Variants in TMCO4 observed in about 807,000 individuals in gnomAD.
TMCO4 encodes transmembrane and coiled-coil domains 4, also known as transmembrane and coiled-coil domain-containing protein 4.
Under a neutral mutation model 64.7 loss-of-function variants are expected in TMCO4, and 58 were observed. The ratio of observed to expected loss-of-function variants is 0.90; its 90% confidence interval spans 0.73 to 1.12. TMCO4 has a LOEUF of 1.12. Among genes scored for constraint, TMCO4 ranks in the 50% most tolerant of loss-of-function variants. The pLI is 0.00. For synonymous variants in TMCO4, 325 were observed against 346.1 expected (o/e 0.94, Z 0.68); for missense variants, 780 against 825.9 (o/e 0.94, Z 0.68).
chr1:19,769,170 G>A (rs55752639), intron 6 of TMCO4, among the ~76,000 whole-genome samples: 17,819 of 152,156 alleles, frequency 0.12, 1,141 homozygotes, highest in Non-Finnish European at 0.13. Flanking sequence ...GGATTCCTGA[G>A]ACAGAGTCCC....
At chr1:19,687,468 C>T (rs1470058666) in intron 15 of TMCO4, among the ~76,000 whole-genome samples, 1 of 152,146 alleles carries the variant, frequency 6.6e-6, no homozygotes, top group African/African-American at 2.4e-5. Context: ...ATAATACAAA[C>T]CATGAAGCAC....
intron 13 of TMCO4, among the ~76,000 whole-genome samples, chr1:19,725,864 G>T (rs933710686): frequency 1.3e-5 from 2 of 152,212 alleles, no homozygotes; most frequent in African/African-American, 4.8e-5. Flanking sequence ...CGAGCACAGC[G>T]TGGTCACTGG....
At chr1:19,710,393 C>T (rs2095325373) in intron 13 of TMCO4, among the ~76,000 whole-genome samples, 1 of 151,956 alleles carries the variant, frequency 6.6e-6, no homozygotes, top group Admixed American at 6.6e-5. Flanking sequence ...GATTCCATCG[C>T]ACCTGGCTGG....
At position 19,683,066 on chromosome 1, in the gene TMCO4, G is replaced by A. The variant is rs377698558; in HGVS notation, c.1879C>T (p.Gln627Ter). The change falls in exon 16 of 16, where the codon CAG becomes TAG. Residue 627 changes from glutamine (Q) to a stop codon, truncating the protein, a stop_gained. Coordinates refer to ENST00000294543, the MANE Select transcript of TMCO4 (RefSeq NM_181719.7). LOFTEE classifies it high-confidence loss of function. Reference sequence around the variant, plus strand: ...CAGTCCAGCCCCGTGCTGGGGCCCTGGGTCTTGCAGGCACAATCGGGGCAG... The same window carrying A: ...CAGTCCAGCCCCGTGCTGGGGCCCTAGGTCTTGCAGGCACAATCGGGGCAG... ...LGCPDCACKT[Q>*]GPSTGLD is the part of the protein sequence containing the mutation. The A allele has an allele frequency of 1.2e-5, 19 of 1,597,588 alleles. No homozygotes were observed. The highest frequency in any genetic ancestry group is 1.4e-5 in the Non-Finnish European group (16 of 1,172,532).
chr1:19,695,736 G>C (rs2095231812), intron 14 of TMCO4, among the ~76,000 whole-genome samples: 1 of 152,104 alleles, frequency 6.6e-6, no homozygotes, highest in South Asian at 2.1e-4. Flanking sequence ...CTGAGCACCT[G>C]GGTTTGTGAG....
At position 19,753,870 on chromosome 1, in the gene TMCO4, T is replaced by C. The variant is rs113742150; in HGVS notation, c.515+1764A>G. On this transcript the variant is annotated intron_variant, in intron 7 of 15. Coordinates refer to ENST00000294543, the MANE Select transcript of TMCO4 (RefSeq NM_181719.7). ...TTTTCCTGGGGAAAGAGTCTACATA[T>C]AGACTACAATAGGGTCTATAATAGT... 9.3e-3 allele frequency among the ~76,000 whole-genome samples: 1,416 copies of C among 152,268 alleles called. 13 individuals are homozygous for C. The highest frequency in any genetic ancestry group is 0.031 in the African/African-American group (1,268 of 41,560).
At chr1:19,716,739 C>T (rs1289487578) in intron 13 of TMCO4, among the ~76,000 whole-genome samples, 3 of 152,156 alleles carry the variant, frequency 2.0e-5, no homozygotes, top group Middle Eastern at 3.4e-3. Flanking sequence ...CCAGGCTGGC[C>T]GTGCAGATGG....
intron 4 of TMCO4, among the ~76,000 whole-genome samples, chr1:19,778,354 AC>A (rs2043307373): frequency 6.6e-6 from 1 of 151,574 alleles, no homozygotes; most frequent in African/African-American, 2.4e-5. Flanking sequence ...GCTCATTGCA[AC>A]CTCTGCCTCC....
At chr1:19,723,757 G>T (rs1472370712) in intron 13 of TMCO4, among the ~76,000 whole-genome samples, 1 of 152,126 alleles carries the variant, frequency 6.6e-6, no homozygotes, top group Admixed American at 6.5e-5. Context: ...CTGAGCTGGG[G>T]CCCTGGAAGC....
At chr1:19,730,176 A>G (rs1333205616) in intron 13 of TMCO4, among the ~76,000 whole-genome samples, 2 of 152,188 alleles carry the variant, frequency 1.3e-5, no homozygotes, top group Non-Finnish European at 2.9e-5. Flanking sequence ...GGCCAATGAA[A>G]TGTTTGTAAA....
rs2095444229 is a variant in TMCO4 at position 19,734,468 on chromosome 1, A to G, written c.1264+2904T>C. 6.6e-6 allele frequency among the ~76,000 whole-genome samples: 1 copy of G among 152,088 alleles called. No homozygotes were observed. Among genetic ancestry groups the G allele is most frequent in the African/African-American group, 2.4e-5 (1 of 41,408 alleles). On this transcript the variant is annotated intron_variant, in intron 13 of 15. Coordinates refer to ENST00000294543, the MANE Select transcript of TMCO4 (RefSeq NM_181719.7). This position sits in a 1 kb window ranked among gnomAD's most constrained non-coding sequence, Gnocchi z 4.4. ...CCCCGGGTCCTCCTTGGCAGGATCCACTCAGTTACTCATTCACTCCACAGT... is the reference window on the plus strand; with the variant it reads ...CCCCGGGTCCTCCTTGGCAGGATCCGCTCAGTTACTCATTCACTCCACAGT...
In TMCO4 at chr1:19,777,041, A is replaced by G. The variant is rs1413468145; in HGVS notation, c.179+3539T>C. On this transcript the variant is annotated intron_variant, in intron 4 of 15. Coordinates refer to ENST00000294543, the MANE Select transcript of TMCO4 (RefSeq NM_181719.7). The stretch of plus-strand genomic sequence containing the variant: ...GACACTGTCTCAAAAAAAAAAAAAA[A>G]AAAAAAAAGAAAAGAAAACAGCAAA... 3.3e-5 allele frequency among the ~76,000 whole-genome samples: 5 copies of G among 151,600 alleles called. No individual in the cohort carries two copies. In the East Asian group the frequency reaches 5.8e-4, roughly 18 times the overall value.
Position 19,746,507 on chromosome 1 carries a change from C to A in TMCO4, c.706G>T (p.Gly236Cys). 6.2e-7 allele frequency: 1 copy of A among 1,612,316 alleles called. No individual in the cohort carries two copies. Among genetic ancestry groups the A allele is most frequent in the South Asian group, 1.1e-5 (1 of 90,694 alleles). ...AACAGCGAGGTCATGATGGCTATGCCGGCTGCTGAGCCCAGAGCCGCTGCC... is the reference window on the plus strand; with the variant it reads ...AACAGCGAGGTCATGATGGCTATGCAGGCTGCTGAGCCCAGAGCCGCTGCC... Reference protein sequence around the residue: ...AGAAALGSAAGIAIMTSLFGA... With the variant: ...AGAAALGSAACIAIMTSLFGA... The change falls in exon 9 of 16, where the codon GGC (glycine) becomes TGC (cysteine). Residue 236 changes from glycine (G) to cysteine (C), a missense_variant. Transcript: ENST00000294543.
At position 19,723,847 on chromosome 1, in the gene TMCO4, T is replaced by C. The variant is rs72965389; in HGVS notation, c.1264+13525A>G. ...GGTGAAGCGGGTCACCTGGTGACAA[T>C]GCCCTGTGGGTTAACAGTGAAGCAG... On this transcript the variant is annotated intron_variant, in intron 13 of 15. Coordinates refer to ENST00000294543, the MANE Select transcript of TMCO4 (RefSeq NM_181719.7). Among the ~76,000 whole-genome samples, 1,345 of 152,202 alleles carry C rather than the reference T, an allele frequency of 8.8e-3. 21 individuals carry two copies. The highest frequency in any genetic ancestry group is 0.031 in the African/African-American group (1,283 of 41,516).
chr1:19,779,095 G>T (rs2043343323), intron 4 of TMCO4, among the ~76,000 whole-genome samples: 1 of 152,206 alleles, frequency 6.6e-6, no homozygotes, highest in Non-Finnish European at 1.5e-5. Context: ...AAGACCCAAG[G>T]CATGAAGGAA....
rs140645448 is a variant in TMCO4, at chr1:19,747,207, T to C, written c.569A>G (p.Tyr190Cys). The C allele has an allele frequency of 5.1e-4, 830 of 1,613,990 alleles. 1 individual carries two copies. The highest frequency in any genetic ancestry group is 6.3e-4 in the Non-Finnish European group (744 of 1,179,992). ...GACAGTCGCCAGGCCTATCAGGAGATAACGCTTCCATTTCCTCCGGTTTTC... is the reference window on the plus strand; with the variant it reads ...GACAGTCGCCAGGCCTATCAGGAGACAACGCTTCCATTTCCTCCGGTTTTC... ...KKENRRKWKR[Y>C]LLIGLATVGG... The change falls in exon 8 of 16, where the codon TAT becomes TGT. Residue 190 changes from tyrosine (Y) to cysteine (C), a missense_variant. Transcript: ENST00000294543.
At chr1:19,762,647 G>T (rs985888534) in intron 6 of TMCO4, among the ~76,000 whole-genome samples, 58 of 152,210 alleles carry the variant, frequency 3.8e-4, no homozygotes, top group African/African-American at 1.4e-3. Context: ...CTGGGAACTT[G>T]GCCCTAAATG....
intron 12 of TMCO4, 102 bp from the exon 13 acceptor site, chr1:19,737,558 T>C (rs1257299872): frequency 6.0e-6 from 6 of 997,322 alleles, no homozygotes; most frequent in Non-Finnish European, 9.2e-6. Context: ...TACCACCTGA[T>C]TCTCATCTAA....
rs571449848 is a variant in TMCO4, at chr1:19,734,968, A to G, written c.1264+2404T>C. On this transcript the variant is annotated intron_variant, in intron 13 of 15. Transcript: ENST00000294543. This position sits in a 1 kb window ranked among gnomAD's most constrained non-coding sequence, Gnocchi z 4.4. ...GGTGGATCTGCACTAGCTCGTGGGCACAGCAGCATGTGCCTGATTCCCTCA... is the reference window on the plus strand; with the variant it reads ...GGTGGATCTGCACTAGCTCGTGGGCGCAGCAGCATGTGCCTGATTCCCTCA... Among the ~76,000 whole-genome samples the G allele has an allele frequency of 1.3e-3, 203 of 152,302 alleles. 1 individual carries two copies. The highest frequency in any genetic ancestry group is 2.1e-3 in the Non-Finnish European group (142 of 68,022).
Sources: allele counts gnomAD v4.1 joint callset (sites outside exome capture counted in the v4.1 genomes callset), GRCh38; gene constraint gnomAD v4.1.1; non-coding constraint Gnocchi (gnomAD v3.1); transcripts MANE v1.5; gene names NCBI Gene and HGNC (gene_info 2026-07-23, HGNC 2026-07-21).